The following KATNIP variants were observed in gnomAD, a reference collection of about 807,000 sequenced individuals.
KATNIP encodes the protein katanin-interacting protein.
In KATNIP, 126 loss-of-function variants were observed where a neutral mutation model predicts 174.0. The ratio of observed to expected loss-of-function variants is 0.72; its 90% confidence interval spans 0.63 to 0.84. The LOEUF (loss-of-function observed/expected upper bound fraction) is 0.84, where lower values mean the gene tolerates loss of function less well. Among genes scored for constraint, KATNIP ranks in the 40% least tolerant of loss-of-function variants. The pLI, the probability that KATNIP is intolerant of heterozygous loss-of-function variation, is 0.00. For missense variants in KATNIP, 1,958 were observed against 2,109.7 expected (o/e 0.93, Z 1.41); for synonymous variants, 810 against 835.7 (o/e 0.97, Z 0.53).
At chr16:27,618,250 C>T (rs962273769) in intron 2 of KATNIP, among the ~76,000 whole-genome samples, 175 bp from the exon 3 acceptor site, 3 of 152,122 alleles carry the variant, frequency 2.0e-5, no homozygotes, top group African/African-American at 7.2e-5. Flanking sequence ...ACCCATGGGG[C>T]CATCAGACAG....
chr16:27,570,857 A>C (rs1028694233), intron 1 of KATNIP, among the ~76,000 whole-genome samples: 24 of 152,204 alleles, frequency 1.6e-4, no homozygotes, highest in African/African-American at 5.5e-4. Flanking sequence ...AAATGTGAAG[A>C]CAGTATATAC....
chr16:27,642,198 TA>T (rs2076821742), intron 5 of KATNIP, among the ~76,000 whole-genome samples: 1 of 152,160 alleles, frequency 6.6e-6, no homozygotes, highest in Non-Finnish European at 1.5e-5. Flanking sequence ...TATGCAGCCA[TA>T]AAAAATGATG....
chr16:27,699,684 C>T, intron 10 of KATNIP, 85 bp downstream of exon 10: 2 of 1,585,736 alleles, frequency 1.3e-6, no homozygotes, highest in Non-Finnish European at 1.7e-6. Context: ...ATGACAAAGC[C>T]CTATGCATGT....
At chr16:27,716,986 G>A (rs1332207800) in intron 13 of KATNIP, among the ~76,000 whole-genome samples, 3 of 151,980 alleles carry the variant, frequency 2.0e-5, no homozygotes, top group South Asian at 2.1e-4. Flanking sequence ...CTGGGACTAC[G>A]GGCGGCGCCA....
intron 18 of KATNIP, among the ~76,000 whole-genome samples, chr16:27,759,630 T>C (rs567835979): frequency 7.4e-4 from 112 of 152,330 alleles, no homozygotes; most frequent in African/African-American, 2.5e-3. Flanking sequence ...CACCCACCCG[T>C]CTGGCAGTGG....
At chr16:27,713,827 T>A (rs59370328) in intron 13 of KATNIP, among the ~76,000 whole-genome samples, 1 of 64,718 alleles carries the variant, frequency 1.5e-5, no homozygotes, top group Non-Finnish European at 2.8e-5. Flanking sequence ...TATATATATA[T>A]ATATATATAT....
At chr16:27,732,173 A>G (rs905136833) in intron 14 of KATNIP, among the ~76,000 whole-genome samples, 2 of 152,196 alleles carry the variant, frequency 1.3e-5, no homozygotes, top group Non-Finnish European at 2.9e-5. Flanking sequence ...GTGTGAACTA[A>G]TCAGATCCCA....
chr16:27,731,949 T>G (rs2080706784), intron 14 of KATNIP, among the ~76,000 whole-genome samples: 1 of 152,104 alleles, frequency 6.6e-6, no homozygotes, highest in South Asian at 2.1e-4. Flanking sequence ...GAGCGACCGT[T>G]GTCACTGGAG....
chr16:27,659,131 C>T (rs545289214), intron 6 of KATNIP, among the ~76,000 whole-genome samples: 10 of 152,086 alleles, frequency 6.6e-5, no homozygotes, highest in Non-Finnish European at 1.5e-4. Flanking sequence ...TTATGTTCAG[C>T]ATAGTCTTTT....
intron 1 of KATNIP, among the ~76,000 whole-genome samples, chr16:27,562,594 G>A (rs554588859): frequency 3.3e-5 from 5 of 152,288 alleles, no homozygotes; most frequent in East Asian, 1.9e-4. Flanking sequence ...ACCCATGCAC[G>A]TTTTCACAAG....
rs750855076 is a variant in KATNIP, at chr16:27,761,421, C to G, written c.3640C>G (p.Leu1214Val). ...PGIYHGICLQLNFTASWGDLH... is the reference protein window; with the variant it reads ...PGIYHGICLQVNFTASWGDLH... ...TTCTCTTCCTGTTGCAGGCCTTCAG[C>G]TGAATTTCACTGCCTCCTGGGGAGA... Residue 1214 changes from leucine to valine, a missense_variant, in exon 19 of 28, where the codon CTG (leucine) becomes GTG (valine). Coordinates refer to ENST00000261588, the MANE Select transcript of KATNIP (RefSeq NM_015202.5). The G allele has an allele frequency of 1.2e-6, 2 of 1,607,580 alleles. No homozygotes were observed. The highest frequency in any genetic ancestry group is 4.5e-5 in the East Asian group (2 of 44,754).
At chr16:27,713,828 A>ACACATAT (rs2079783691) in intron 13 of KATNIP, among the ~76,000 whole-genome samples, 1 of 62,934 alleles carries the variant, frequency 1.6e-5, no homozygotes, top group African/African-American at 8.6e-5. Flanking sequence ...ATATATATAT[A>ACACATAT]TATATATATA....
At chr16:27,723,803 C>T (rs901931525) in intron 14 of KATNIP, among the ~76,000 whole-genome samples, 1 of 151,814 alleles carries the variant, frequency 6.6e-6, no homozygotes, top group African/African-American at 2.4e-5. Flanking sequence ...CCCTTCCTCC[C>T]TTCCTCCCTC....
chr16:27,692,107 C>T (rs1028954119), intron 8 of KATNIP, among the ~76,000 whole-genome samples: 13 of 152,304 alleles, frequency 8.5e-5, no homozygotes, highest in South Asian at 2.1e-4. Context: ...GTGCTTCATG[C>T]GGGAAATGGT....
rs2090403847 is a variant in KATNIP at position 27,574,116 on chromosome 16, C to G, written c.63+160C>G. 3 of 617,988 alleles carry G rather than the reference C, an allele frequency of 4.9e-6. No homozygotes were observed. The South Asian group carries it at 5.7e-5, about 12-fold the overall frequency. 38.3% of individuals were successfully genotyped at this position (617,988 alleles called of 1,614,324 possible). Reference sequence around the variant, plus strand: ...ATAGTGAGCAACTAGACTTACCAACCCAGTGTCACTTGTAATAATCACTTG... The same window carrying G: ...ATAGTGAGCAACTAGACTTACCAACGCAGTGTCACTTGTAATAATCACTTG... On this transcript the variant is annotated intron_variant, in intron 2 of 27. Transcript: ENST00000261588.
chr16:27,680,236 G>A (rs1213281106), intron 7 of KATNIP, among the ~76,000 whole-genome samples: 1 of 152,182 alleles, frequency 6.6e-6, no homozygotes, highest in Non-Finnish European at 1.5e-5. Flanking sequence ...AATAAACAAA[G>A]GTGTTAGGCG....
intron 3 of KATNIP, 42 bp downstream of exon 3, chr16:27,618,543 G>C (rs892864577): frequency 7.1e-7 from 1 of 1,405,576 alleles, no homozygotes; most frequent in East Asian, 2.3e-5. Flanking sequence ...TATTAGCGAA[G>C]TAAAAATCTA....
chr16:27,693,298 G>A (rs771548967), intron 8 of KATNIP, among the ~76,000 whole-genome samples: 1 of 152,170 alleles, frequency 6.6e-6, no homozygotes, highest in Non-Finnish European at 1.5e-5. Flanking sequence ...TCACATGTCT[G>A]GCAGCTCCTT....
rs761424588 is a variant in KATNIP at position 27,740,655 on chromosome 16, C to T, written c.2358C>T (p.Gly786=). Residue 786 remains glycine, a synonymous_variant, in exon 15 of 28, where the codon GGC becomes GGT. Transcript: ENST00000261588. ...CCGAGAAGCCCCTGGCCTGGAAGGG[C>T]AGGCTCCCATCAGACGATGTCATCG... The part of the protein sequence containing the change: ...LSPEKPLAWK[G]RLPSDDVIGE... 1.2e-6 allele frequency: 2 copies of T among 1,614,186 alleles called. No individual in the cohort carries two copies. The highest frequency in any genetic ancestry group is 2.2e-5 in the South Asian group (2 of 91,068).
Sources: gnomAD v4.1 joint callset for allele counts (sites outside exome capture counted in the v4.1 genomes callset) on GRCh38, gnomAD v4.1.1 for gene constraint, MANE v1.5 for transcripts, NCBI Gene and HGNC (gene_info 2026-07-23, HGNC 2026-07-21) for gene names.